The following CDK13 variants were observed in gnomAD, a reference collection of about 807,000 sequenced individuals.
CDK13 encodes the protein cyclin-dependent kinase 13.
Under a neutral mutation model 137.6 loss-of-function variants are expected in CDK13, and 40 were observed. The observed-to-expected ratio is 0.29, with a 90% CI of 0.23 to 0.38. CDK13 has a LOEUF of 0.38. Ranked by LOEUF, CDK13 falls within the 10% of genes least tolerant of loss-of-function variation. The pLI is 1.00. For synonymous variants in CDK13, 869 were observed against 760.1 expected, an observed-to-expected ratio of 1.14 and a Z score of -2.36; for missense variants, 1,704 against 1,951.8, an observed-to-expected ratio of 0.87 and a Z score of 2.39.
At chr7:40,064,264 A>C (rs888917366) in intron 9 of CDK13, among the ~76,000 whole-genome samples, 1 of 148,278 alleles carries the variant, frequency 6.7e-6, no homozygotes, top group Non-Finnish European at 1.5e-5. Flanking sequence ...AGCCTGGGCA[A>C]CAAGAGCGAA....
intron 9 of CDK13, among the ~76,000 whole-genome samples, chr7:40,063,696 C>T (rs1421320709): frequency 2.0e-5 from 3 of 151,832 alleles, no homozygotes; most frequent in African/African-American, 4.8e-5. Context: ...CTCACTCTGT[C>T]ACCTAGGCTG....
intron 1 of CDK13, among the ~76,000 whole-genome samples, chr7:39,966,699 G>A (rs1453983616): frequency 6.6e-6 from 1 of 152,096 alleles, no homozygotes; most frequent in African/African-American, 2.4e-5. Flanking sequence ...CTGATTTTTA[G>A]ATTTTTCAGT....
chr7:39,966,113 G>T (rs1354621124), intron 1 of CDK13, among the ~76,000 whole-genome samples: 1 of 152,004 alleles, frequency 6.6e-6, no homozygotes, highest in South Asian at 2.1e-4. Flanking sequence ...AGCTCTTCTC[G>T]AGGAGCATCT....
chr7:39,988,302 T>G, intron 2 of CDK13, 44 bp downstream of exon 2: 1 of 1,484,892 alleles, frequency 6.7e-7, no homozygotes, highest in East Asian at 2.3e-5. Flanking sequence ...AAAGAAAAAA[T>G]GTAAGTCTGA....
At chr7:39,960,111 A>ACCAAAGAC (rs1787561667) in intron 1 of CDK13, among the ~76,000 whole-genome samples, 1 of 149,316 alleles carries the variant, frequency 6.7e-6, no homozygotes, top group Non-Finnish European at 1.5e-5. Context: ...TTTGGTCCAT[A>ACCAAAGAC]CATTTATCTT....
chr7:39,981,792 CTT>C (rs545024171), intron 1 of CDK13, among the ~76,000 whole-genome samples: 26 of 136,288 alleles, frequency 1.9e-4, no homozygotes, highest in Non-Finnish European at 2.4e-4. Flanking sequence ...TCCAAAATAT[CTT>C]TTTTTTTTTT....
At chr7:40,050,345 CA>C (rs1785857742) in intron 7 of CDK13, among the ~76,000 whole-genome samples, 1 of 152,002 alleles carries the variant, frequency 6.6e-6, no homozygotes, top group South Asian at 2.1e-4. Flanking sequence ...GTACTTAATC[CA>C]AAACTTAACT....
chr7:40,094,015 G>T, intron 13 of CDK13, 115 bp from the exon 14 acceptor site: 1 of 1,233,800 alleles, frequency 8.1e-7, no homozygotes, highest in South Asian at 1.6e-5. Flanking sequence ...TTAACATTTT[G>T]CCAGAGATGG....
At chr7:39,974,191 A>G (rs1394432178) in intron 1 of CDK13, among the ~76,000 whole-genome samples, 2 of 152,078 alleles carry the variant, frequency 1.3e-5, no homozygotes, top group African/African-American at 2.4e-5. Flanking sequence ...ACTGCAATAC[A>G]TTGACTTTTT....
At chr7:39,989,908 G>T (rs1456696503) in intron 2 of CDK13, among the ~76,000 whole-genome samples, 1 of 149,896 alleles carries the variant, frequency 6.7e-6, no homozygotes, top group East Asian at 2.0e-4. Context: ...TCAGCCTCCC[G>T]AGTAGGTGGG....
At chr7:40,027,235 C>T (rs868096936) in intron 5 of CDK13, among the ~76,000 whole-genome samples, 44 of 152,106 alleles carry the variant, frequency 2.9e-4, no homozygotes, top group African/African-American at 1.0e-3. Flanking sequence ...ATCCCAGTTA[C>T]TCAGGAGGCT....
intron 5 of CDK13, among the ~76,000 whole-genome samples, chr7:40,021,082 T>C (rs1299501779): frequency 8.5e-6 from 1 of 117,716 alleles, no homozygotes; most frequent in African/African-American, 3.1e-5. Context: ...AGAGCGAGAT[T>C]CCATCTCAGA....
At chr7:39,972,836 A>G (rs1165647160) in intron 1 of CDK13, among the ~76,000 whole-genome samples, 1 of 152,152 alleles carries the variant, frequency 6.6e-6, no homozygotes, top group Non-Finnish European at 1.5e-5. Flanking sequence ...TTGCTGGGTC[A>G]TATGATAATT....
At chr7:40,071,755 G>A (rs541845344) in intron 9 of CDK13, 2 of 152,234 alleles carry the variant, frequency 1.3e-5, no homozygotes, top group East Asian at 3.9e-4. Context: ...TTAAGCTCAC[G>A]GTGGAGGATA....
At chr7:39,974,596 G>T (rs1784067683) in intron 1 of CDK13, among the ~76,000 whole-genome samples, 1 of 147,430 alleles carries the variant, frequency 6.8e-6, no homozygotes, top group African/African-American at 2.5e-5. Context: ...ATGAAGTCTC[G>T]CTGTGTCACC....
In CDK13 at chr7:40,099,063, C is replaced by CT. The variant is rs1466801314; in HGVS notation, c.*4086dup. 4.7e-5 allele frequency: 7 copies of CT among 149,838 alleles called. No individual in the cohort carries two copies. Among genetic ancestry groups the CT allele is most frequent in the African/African-American group, 1.7e-4 (7 of 40,822 alleles). The allele number at this position is 149,838 out of a possible 1,614,324, so 9.3% of individuals were successfully genotyped here. ...TGCAATAAAACCTATTGATTTGGAA[C>CT]TTTAAAAAAAAAAACAACAAAAAAA... On this transcript the variant is annotated 3_prime_UTR_variant, in exon 14 of 14. Transcript: ENST00000181839.
chr7:39,967,436 A>G (rs1006502386), intron 1 of CDK13, among the ~76,000 whole-genome samples: 2 of 152,060 alleles, frequency 1.3e-5, no homozygotes, highest in Non-Finnish European at 2.9e-5. Flanking sequence ...TGTCTCAAAA[A>G]CAAAATAAAA....
intron 11 of CDK13, among the ~76,000 whole-genome samples, chr7:40,083,201 G>A (rs1786709758): frequency 6.6e-6 from 1 of 151,548 alleles, no homozygotes; most frequent in Admixed American, 6.6e-5. Context: ...GCTGGGCATG[G>A]TGACTCATGC....
chr7:40,094,147 C>A lies in CDK13; in HGVS notation c.3706C>A (p.Gln1236Lys), dbSNP rs1167786632. 6.2e-7 allele frequency: 1 copy of A among 1,613,672 alleles called. No homozygotes were observed. Among genetic ancestry groups the A allele is most frequent in the Non-Finnish European group, 8.5e-7 (1 of 1,179,946 alleles). ...TPVSGQDDLI[Q>K]HQDMRILELT... ...TCACTTAGGACAAGATGACCTCATC[C>A]AGCATCAAGATATGAGGATCTTGGA... The change falls in exon 14 of 14, where the codon CAG (glutamine) becomes AAG (lysine). Residue 1236 changes from glutamine to lysine, a missense_variant. Physicochemically the swap from Gln to Lys is moderately conservative, Grantham distance 53 (BLOSUM62 1). This residue lies in a region of CDK13 where 475 missense variants were observed against 579.3 expected (regional missense o/e 0.82). Transcript: ENST00000181839.
Sources: allele counts gnomAD v4.1 joint callset (sites outside exome capture counted in the v4.1 genomes callset), GRCh38; gene constraint gnomAD v4.1.1; regional missense constraint gnomAD v4.1.1; transcripts MANE v1.5; gene names NCBI Gene and HGNC (gene_info 2026-07-23, HGNC 2026-07-21).